The following WDR45B variants were observed in gnomAD, a reference collection of about 807,000 sequenced individuals.
WDR45B encodes the protein WD repeat domain phosphoinositide-interacting protein 3.
In WDR45B, 20 loss-of-function variants were observed where a neutral mutation model predicts 44.6. That is an observed-to-expected ratio of 0.45 (90% CI 0.32 to 0.65). The LOEUF is 0.65. Ranked by LOEUF, WDR45B falls within the 30% of genes least tolerant of loss-of-function variation. WDR45B has a pLI of 0.05. For missense variants in WDR45B, 323 were observed against 430.2 expected (o/e 0.75, Z 2.20); for synonymous variants, 169 against 164.9 (o/e 1.02, Z -0.19).
chr17:82,638,677 G>A (rs1426912146), intron 2 of WDR45B, among the ~76,000 whole-genome samples: 2 of 151,934 alleles, frequency 1.3e-5, no homozygotes, highest in Non-Finnish European at 2.9e-5. Flanking sequence ...TTTTGCCTCT[G>A]TCATGTCGTG....
At chr17:82,631,091 G>A in intron 2 of WDR45B, 69 bp from the exon 3 acceptor site, 1 of 1,501,192 alleles carries the variant, frequency 6.7e-7, no homozygotes, top group East Asian at 2.3e-5. Flanking sequence ...AAAAAGAAAA[G>A]AGAAAGTCAA....
chr17:82,643,355 C>A (rs545529888), intron 2 of WDR45B, among the ~76,000 whole-genome samples: 2 of 152,164 alleles, frequency 1.3e-5, no homozygotes, highest in East Asian at 3.9e-4. Context: ...ACCGCTTGAA[C>A]CCGGGAGGCG....
rs1400206352 is a variant in WDR45B at position 82,648,415 on chromosome 17, G to A, written c.-75C>T. 3 of 1,551,426 alleles carry A rather than the reference G, an allele frequency of 1.9e-6. No homozygotes were observed. Among genetic ancestry groups the A allele is most frequent in the African/African-American group, 1.4e-5 (1 of 71,290 alleles). On this transcript the variant is annotated 5_prime_UTR_variant, in exon 1 of 10. Transcript: ENST00000392325. ...GGGGACGGCGGCCTGGTCCCTTCGG[G>A]CCGGCGCTGAGGCCGCCGCGGCCGG... is the stretch of plus-strand genomic sequence containing the variant.
chr17:82,643,427 C>CG (rs1429614100), intron 2 of WDR45B, among the ~76,000 whole-genome samples: 1 of 151,402 alleles, frequency 6.6e-6, no homozygotes, highest in Admixed American at 6.6e-5. Flanking sequence ...AGCAAGATCC[C>CG]GTCTCGGAAG....
chr17:82,637,379 A>C (rs1206754476), intron 2 of WDR45B, among the ~76,000 whole-genome samples: 3 of 151,876 alleles, frequency 2.0e-5, no homozygotes, highest in African/African-American at 7.3e-5. Context: ...TCCTCTAATC[A>C]TGGTCTCTAT....
At chr17:82,625,304 G>A in intron 5 of WDR45B, 85 bp downstream of exon 5, 1 of 1,359,214 alleles carries the variant, frequency 7.4e-7, no homozygotes. Flanking sequence ...TTTGCTCAGA[G>A]ACCTGCTTGG....
chr17:82,644,464 T>C (rs1056589424), intron 1 of WDR45B: 1 of 222,894 alleles, frequency 4.5e-6, no homozygotes, highest in Admixed American at 5.1e-5. Context: ...GAAAGGATGC[T>C]CTTTCCCATT....
intron 5 of WDR45B, among the ~76,000 whole-genome samples, chr17:82,622,536 C>T (rs959031685): frequency 2.0e-5 from 3 of 152,058 alleles, no homozygotes; most frequent in East Asian, 1.9e-4. Flanking sequence ...AGGTTCACGC[C>T]GTTCTCCTGC....
rs534192075 is a variant in WDR45B at position 82,640,130 on chromosome 17, G to A, written c.142+3819C>T. On this transcript the variant is annotated intron_variant, in intron 2 of 9. Transcript: ENST00000392325. ...GGCTTCCCTGAACTACCAGCTTCCC[G>A]TTCCTGCCAAGTGGCAGAAGGCGTA... Among the ~76,000 whole-genome samples the A allele has an allele frequency of 1.9e-3, 291 of 152,244 alleles. 1 individual carries two copies. The highest frequency in any genetic ancestry group is 6.8e-3 in the African/African-American group (282 of 41,552).
At chr17:82,636,780 G>A (rs1015170366) in intron 2 of WDR45B, among the ~76,000 whole-genome samples, 13 of 151,808 alleles carry the variant, frequency 8.6e-5, no homozygotes, top group Admixed American at 5.9e-4. Context: ...CCCGCTTCCC[G>A]TCAACTCTAA....
Position 82,644,007 on chromosome 17 carries a change from C to T in WDR45B, c.84G>A (p.Gly28=). Residue 28 remains glycine (G), a synonymous_variant, in exon 2 of 10, where the codon GGG becomes GGA. Coordinates refer to ENST00000392325, the MANE Select transcript of WDR45B (RefSeq NM_019613.4). ...TATAGACTCGGAATCCATTTTCCAT[C>T]CCACACGCAAAGCATCCTAAAGCAG... The part of the protein sequence containing the change: ...FNQDHGCFAC[G]MENGFRVYNT... 6.2e-7 allele frequency: 1 copy of T among 1,614,072 alleles called. No individual in the cohort carries two copies. Among genetic ancestry groups the T allele is most frequent in the African/African-American group, 1.3e-5 (1 of 75,026 alleles).
rs144574341 is a variant in WDR45B, at chr17:82,630,050, A to G, written c.244+871T>C. 2.5e-3 allele frequency: 2,385 copies of G among 935,686 alleles called. 115 individuals carry two copies. In the Admixed American group the frequency reaches 0.09, roughly 35 times the overall value. 58.0% of individuals were successfully genotyped at this position (935,686 alleles called of 1,614,324 possible). On this transcript the variant is annotated intron_variant, in intron 3 of 9. Coordinates refer to ENST00000392325, the MANE Select transcript of WDR45B (RefSeq NM_019613.4). Reference sequence around the variant, plus strand: ...GGTGGCCTTCAATGTCACCAGAACCAGATGGCTTTTCTCAGGCCTCCTCCC... The same window carrying G: ...GGTGGCCTTCAATGTCACCAGAACCGGATGGCTTTTCTCAGGCCTCCTCCC...
intron 2 of WDR45B, among the ~76,000 whole-genome samples, chr17:82,638,869 C>A (rs745433138): frequency 1.3e-5 from 2 of 152,052 alleles, no homozygotes; most frequent in African/African-American, 2.4e-5. Flanking sequence ...TGTCACCAGG[C>A]TGGAGTGCAG....
In WDR45B at chr17:82,627,256, T is replaced by C. The variant is rs967834959; in HGVS notation, c.280A>G (p.Ile94Val). 6.2e-7 allele frequency: 1 copy of C among 1,613,614 alleles called. No individual in the cohort carries two copies. Among genetic ancestry groups the C allele is most frequent in the Non-Finnish European group, 8.5e-7 (1 of 1,179,964 alleles). ...ACTTCTGTAGAAAATTCTATTTCAA[T>C]AACAGTCTTCTTCTTCAGGTCATCC... Reference protein sequence around the residue: ...IWDDLKKKTVIEIEFSTEVKA... With the variant: ...IWDDLKKKTVVEIEFSTEVKA... Residue 94 changes from isoleucine (I) to valine (V), a missense_variant, in exon 4 of 10, where the codon ATT becomes GTT. Coordinates refer to ENST00000392325, the MANE Select transcript of WDR45B (RefSeq NM_019613.4).
chr17:82,646,488 C>CAAAAAAAAAAAAAAAAAAAAAAAAAAAA (rs779661551), intron 1 of WDR45B, among the ~76,000 whole-genome samples: 2 of 19,946 alleles, frequency 1.0e-4, no homozygotes, highest in Non-Finnish European at 2.0e-4. Flanking sequence ...AACTCCGTCT[C>CAAAAAAAAAAAAAAAAAAAAAAAAAAAA]AAAAAAAAAA....
intron 2 of WDR45B, among the ~76,000 whole-genome samples, chr17:82,639,918 G>GCGGGC (rs1568015317): frequency 6.7e-6 from 1 of 148,442 alleles, no homozygotes; most frequent in Non-Finnish European, 1.5e-5. Flanking sequence ...GTCGGGTCAG[G>GCGGGC]TGGGCTGCTG....
At chr17:82,631,455 T>C (rs187611519) in intron 2 of WDR45B, among the ~76,000 whole-genome samples, 6 of 149,574 alleles carry the variant, frequency 4.0e-5, no homozygotes, top group African/African-American at 1.5e-4. Context: ...CAGCTAATTT[T>C]TGTATTTTTA....
Position 82,633,503 on chromosome 17 carries a change from C to G in WDR45B, c.143-2481G>C, listed in dbSNP as rs373612225. ...CCAAACCACAATGAGATCCCACCAC[C>G]TCATACCCATGAAGATGACTAATTT... On this transcript the variant is annotated intron_variant, in intron 2 of 9. Transcript: ENST00000392325. 2.3e-4 allele frequency among the ~76,000 whole-genome samples: 35 copies of G among 152,304 alleles called. No individual in the cohort carries two copies. In the East Asian group the frequency reaches 3.9e-3, roughly 17 times the overall value.
chr17:82,624,624 G>GTT (rs544094467), intron 5 of WDR45B, among the ~76,000 whole-genome samples: 32 of 143,722 alleles, frequency 2.2e-4, no homozygotes, highest in Middle Eastern at 7.5e-3. Context: ...ATTTATTGAA[G>GTT]TTTTTTTTTT....
Sources: gnomAD v4.1 joint callset for allele counts (sites outside exome capture counted in the v4.1 genomes callset) on GRCh38, gnomAD v4.1.1 for gene constraint, MANE v1.5 for transcripts, NCBI Gene and HGNC (gene_info 2026-07-23, HGNC 2026-07-21) for gene names.